Variants in ATF1 observed in about 807,000 individuals in gnomAD.
ATF1 encodes the protein cyclic AMP-dependent transcription factor ATF-1.
ATF1 carries 16 observed loss-of-function variants against 34.7 expected under a neutral mutation model. That is an observed-to-expected ratio of 0.46 (90% CI 0.31 to 0.70). The LOEUF is 0.70. ATF1 is among the 30% of genes least tolerant of loss of function. The probability of loss-of-function intolerance (pLI) is 0.05; values close to 1 mark genes in which losing one functional copy is unlikely to be tolerated. For synonymous variants in ATF1, 105 were observed against 113.1 expected (o/e 0.93, Z 0.46); for missense variants, 255 against 321.6 (o/e 0.79, Z 1.58).
chr12:50,806,041 C>T (rs1191297734), intron 3 of ATF1, among the ~76,000 whole-genome samples: 1 of 151,864 alleles, frequency 6.6e-6, no homozygotes, highest in Non-Finnish European at 1.5e-5. Context: ...ATCCCAGCTA[C>T]TCAGGAGGCT....
intron 3 of ATF1, among the ~76,000 whole-genome samples, chr12:50,807,447 T>C (rs1401852610): frequency 6.6e-6 from 1 of 152,060 alleles, no homozygotes; most frequent in Non-Finnish European, 1.5e-5. Context: ...TTAGTTTCAC[T>C]GGATGGAACC....
intron 2 of ATF1, chr12:50,788,191 T>G: frequency 2.2e-6 from 1 of 449,152 alleles, no homozygotes; most frequent in Non-Finnish European, 4.4e-6. Context: ...GCCAATCTTT[T>G]TTTTTTTTTG....
intron 1 of ATF1, among the ~76,000 whole-genome samples, chr12:50,776,485 C>A (rs1320115601): frequency 7.0e-6 from 1 of 142,770 alleles, no homozygotes; most frequent in Non-Finnish European, 1.5e-5. Context: ...AGAGCAACAC[C>A]CTGTCTTTAA....
chr12:50,803,605 A>G (rs1163079001), intron 3 of ATF1, among the ~76,000 whole-genome samples: 1 of 152,154 alleles, frequency 6.6e-6, no homozygotes, highest in Non-Finnish European at 1.5e-5. Flanking sequence ...TATATACCCA[A>G]GAGAAATAAA....
At chr12:50,816,295 G>C (rs1941841910) in intron 6 of ATF1, among the ~76,000 whole-genome samples, 1 of 152,004 alleles carries the variant, frequency 6.6e-6, no homozygotes, top group Admixed American at 6.6e-5. Flanking sequence ...CTTCAGCCTG[G>C]GCAACAGAGC....
In ATF1 at chr12:50,785,280, TACATACACACACACACACAC is replaced by T. The variant is rs1223290043; in HGVS notation, c.93+5046_93+5065del. On this transcript the variant is annotated intron_variant, in intron 2 of 6. Transcript: ENST00000262053. ...CATCTCAAAAAAAAAATTATATATA[TACATACACACACACACACAC>T]ACACACACACACACACACACACACA... Among the ~76,000 whole-genome samples, 7 of 86,158 alleles carry T rather than the reference TACATACACACACACACACAC, an allele frequency of 8.1e-5. No individual in the cohort carries two copies. The Admixed American group carries it at 9.7e-4, about 12-fold the overall frequency. 56.5% of individuals were successfully genotyped at this position (86,158 alleles called of 152,430 possible).
chr12:50,790,531 A>G (rs1290782981), intron 2 of ATF1, among the ~76,000 whole-genome samples: 2 of 152,012 alleles, frequency 1.3e-5, no homozygotes, highest in African/African-American at 2.4e-5. Context: ...CTATGCCCAT[A>G]TTGGGGTACT....
chr12:50,793,879 ATAGT>A (rs1451068321), intron 2 of ATF1, among the ~76,000 whole-genome samples: 1 of 152,138 alleles, frequency 6.6e-6, no homozygotes, highest in Non-Finnish European at 1.5e-5. Flanking sequence ...CTTTCTATAG[ATAGT>A]AACTAATGTG....
Position 50,806,286 on chromosome 12 carries a change from C to T in ATF1, c.195-3170C>T, listed in dbSNP as rs771327242. On this transcript the variant is annotated intron_variant, in intron 3 of 6. Transcript: ENST00000262053. ...ATTTCAACCTCTCCATTGGCCCATA[C>T]GCAGCACAACTTATCCTGTTCCCAA... 6.6e-5 allele frequency: 20 copies of T among 302,132 alleles called. 1 individual carries two copies. Among genetic ancestry groups the T allele is most frequent in the East Asian group, 2.3e-4 (3 of 12,898 alleles). The allele number at this position is 302,132 out of a possible 1,614,324, so 18.7% of individuals were successfully genotyped here.
chr12:50,796,715 A>T (rs1193838952), intron 3 of ATF1, among the ~76,000 whole-genome samples: 3 of 151,858 alleles, frequency 2.0e-5, no homozygotes, highest in Non-Finnish European at 4.4e-5. Flanking sequence ...AAAAAAAAAA[A>T]TGTAAATTTA....
intron 1 of ATF1, among the ~76,000 whole-genome samples, chr12:50,772,799 G>A (rs1261442965): frequency 2.0e-5 from 3 of 151,736 alleles, no homozygotes; most frequent in South Asian, 2.1e-4. Flanking sequence ...TGCACAGGAT[G>A]TGCAGGTTTA....
At chr12:50,767,191 C>T (rs1940657947) in intron 1 of ATF1, among the ~76,000 whole-genome samples, 1 of 151,530 alleles carries the variant, frequency 6.6e-6, no homozygotes, top group Admixed American at 6.6e-5. Flanking sequence ...TGGCTTCTCT[C>T]TCACTGTACA....
intron 1 of ATF1, among the ~76,000 whole-genome samples, chr12:50,772,331 T>C (rs929766140): frequency 4.6e-5 from 7 of 151,542 alleles, no homozygotes; most frequent in Non-Finnish European, 8.8e-5. Context: ...TTTTTTTTTT[T>C]TTTTTCTTTT....
At chr12:50,806,202 A>C (rs1338051071) in intron 3 of ATF1, 1 of 157,516 alleles carries the variant, frequency 6.3e-6, no homozygotes, top group Non-Finnish European at 1.4e-5. Context: ...TTTTTCCTAA[A>C]TCATTTAGCA....
chr12:50,802,134 A>G (rs1941523387), intron 3 of ATF1, among the ~76,000 whole-genome samples: 1 of 152,232 alleles, frequency 6.6e-6, no homozygotes, highest in South Asian at 2.1e-4. Context: ...TGAAACTTAA[A>G]AACAATTCTA....
chr12:50,775,317 T>TA (rs1940891249), intron 1 of ATF1, among the ~76,000 whole-genome samples: 1 of 152,088 alleles, frequency 6.6e-6, no homozygotes, highest in Non-Finnish European at 1.5e-5. Flanking sequence ...TTACTGTTGA[T>TA]ATGTGTGTTT....
chr12:50,771,027 A>G (rs10876084), intron 1 of ATF1, among the ~76,000 whole-genome samples: 52,525 of 151,436 alleles, frequency 0.35, 9,355 homozygotes, highest in Non-Finnish European at 0.39. Context: ...TCTTTTTGAG[A>G]CAGAGTCTTG....
chr12:50,780,415 G>A (rs1941030952), intron 2 of ATF1, among the ~76,000 whole-genome samples, 177 bp downstream of exon 2: 1 of 151,638 alleles, frequency 6.6e-6, no homozygotes. Context: ...CATGATCTCG[G>A]CTCACTGCAA....
At position 50,820,375 on chromosome 12, in the gene ATF1, C is replaced by G; in HGVS notation, c.*596C>G. The G allele has an allele frequency of 5.3e-6, 1 of 187,840 alleles. No homozygotes were observed. The highest frequency in any genetic ancestry group is 1.1e-5 in the Non-Finnish European group (1 of 89,128). The allele number at this position is 187,840 out of a possible 1,614,324, so 11.6% of individuals were successfully genotyped here. ...AGACTAGGTTAATTATTTTTGAGGT[C>G]TTATCCTAAAAGGCATCTAAGGTAC... On this transcript the variant is annotated 3_prime_UTR_variant, in exon 7 of 7. Transcript: ENST00000262053.
Sources: allele counts gnomAD v4.1 joint callset (sites outside exome capture counted in the v4.1 genomes callset), GRCh38; gene constraint gnomAD v4.1.1; transcripts MANE v1.5; gene names NCBI Gene and HGNC (gene_info 2026-07-23, HGNC 2026-07-21).